Variants in PLPP3 observed in about 807,000 individuals in gnomAD.
The protein encoded by PLPP3 is phospholipid phosphatase 3.
PLPP3 carries 6 observed loss-of-function variants against 29.6 expected under a neutral mutation model. That is an observed-to-expected ratio of 0.20 (90% CI 0.11 to 0.40). The LOEUF (loss-of-function observed/expected upper bound fraction) is 0.40. PLPP3 is among the 10% of genes least tolerant of loss of function. The probability of loss-of-function intolerance (pLI) is 1.00; values close to 1 mark genes in which losing one functional copy is unlikely to be tolerated. For missense variants in PLPP3, 308 were observed against 407.7 expected (o/e 0.76, Z 2.11); for synonymous variants, 152 against 159.7 (o/e 0.95, Z 0.36).
Position 56,496,491 on chromosome 1 carries a change from G to A in PLPP3, c.*60C>T. ...TTCTACTGTCTGATGAGATTGGAGA[G>A]CAGCAAGAACTTGCTGTCAGCAGTC... On this transcript the variant is annotated 3_prime_UTR_variant, in exon 6 of 6. Transcript: ENST00000371250. 2 of 1,581,244 alleles carry A rather than the reference G, an allele frequency of 1.3e-6. No individual in the cohort carries two copies. The highest frequency in any genetic ancestry group is 8.7e-7 in the Non-Finnish European group (1 of 1,154,414).
intron 1 of PLPP3, among the ~76,000 whole-genome samples, chr1:56,564,345 T>C (rs1406073110): frequency 6.6e-6 from 1 of 152,216 alleles, no homozygotes; most frequent in Non-Finnish European, 1.5e-5. Context: ...TGAACAATGA[T>C]ATTTTGCATG....
intron 1 of PLPP3, 106 bp from the exon 2 acceptor site, chr1:56,537,218 C>T: frequency 8.1e-7 from 1 of 1,228,158 alleles, no homozygotes; most frequent in Non-Finnish European, 1.1e-6. Flanking sequence ...TCCCAAATAT[C>T]ACTGAGAGTG....
At chr1:56,525,010 CTTGT>C (rs1645844151) in intron 2 of PLPP3, among the ~76,000 whole-genome samples, 1 of 152,100 alleles carries the variant, frequency 6.6e-6, no homozygotes, top group Non-Finnish European at 1.5e-5. Flanking sequence ...GGGCCTCAGC[CTTGT>C]GCTGACATTG....
chr1:56,541,075 T>G (rs1337009766), intron 1 of PLPP3, among the ~76,000 whole-genome samples: 1 of 152,148 alleles, frequency 6.6e-6, no homozygotes, highest in African/African-American at 2.4e-5. Context: ...AACCCTGAAT[T>G]ATTTCTAGTG....
intron 2 of PLPP3, among the ~76,000 whole-genome samples, chr1:56,532,740 C>G (rs993176726): frequency 6.6e-6 from 1 of 152,148 alleles, no homozygotes; most frequent in African/African-American, 2.4e-5. Flanking sequence ...ATGGCCTCTT[C>G]TGTGATTTTT....
chr1:56,561,359 A>G (rs1646126873), intron 1 of PLPP3, among the ~76,000 whole-genome samples: 1 of 152,034 alleles, frequency 6.6e-6, no homozygotes, highest in African/African-American at 2.4e-5. Flanking sequence ...CATATTCTCA[A>G]TTCTCTCAGG....
intron 4 of PLPP3, among the ~76,000 whole-genome samples, chr1:56,522,539 G>A (rs919813893): frequency 1.3e-5 from 2 of 152,098 alleles, no homozygotes; most frequent in Admixed American, 6.6e-5. Context: ...ATGGAGGGAA[G>A]TGCTATTCAT....
chr1:56,549,107 T>C (rs1646023043), intron 1 of PLPP3, among the ~76,000 whole-genome samples: 1 of 152,238 alleles, frequency 6.6e-6, no homozygotes, highest in African/African-American at 2.4e-5. Context: ...AAGATGTTAA[T>C]GTTGTTAAAT....
chr1:56,502,961 G>A (rs1645678062), intron 5 of PLPP3, among the ~76,000 whole-genome samples: 1 of 152,122 alleles, frequency 6.6e-6, no homozygotes, highest in African/African-American at 2.4e-5. Context: ...CTACCATACT[G>A]AACAATCTCA....
At chr1:56,521,326 A>G (rs1354561745) in intron 4 of PLPP3, among the ~76,000 whole-genome samples, 1 of 152,142 alleles carries the variant, frequency 6.6e-6, no homozygotes. Context: ...GTAATATCAC[A>G]TAAACACATG....
chr1:56,572,073 A>ATC (rs1491373600), intron 1 of PLPP3, among the ~76,000 whole-genome samples: 2 of 118,920 alleles, frequency 1.7e-5, no homozygotes, highest in Non-Finnish European at 3.3e-5. Context: ...TTTTTGAGAC[A>ATC]GAGTCTCGCT....
At chr1:56,552,670 T>C (rs1052553981) in intron 1 of PLPP3, among the ~76,000 whole-genome samples, 3 of 152,158 alleles carry the variant, frequency 2.0e-5, no homozygotes, top group African/African-American at 7.2e-5. Flanking sequence ...TCCTCTCCCT[T>C]TCTCATCAGC....
At chr1:56,552,634 C>T (rs1646048968) in intron 1 of PLPP3, among the ~76,000 whole-genome samples, 1 of 152,114 alleles carries the variant, frequency 6.6e-6, no homozygotes, top group Non-Finnish European at 1.5e-5. Flanking sequence ...CTACAGGGAC[C>T]CTGTGAGGAC....
At position 56,578,975 on chromosome 1, in the gene PLPP3, G is replaced by T. The variant is rs1646258028; in HGVS notation, c.42C>A (p.Ser14Arg). ...TGAGCGCCGGGCTGCCGCCGTTCTT[G>T]CTCTCCGGGACGATCGCTTTGTCGT... ...YKYDKAIVPESKNGGSPALNN... is the reference protein window; with the variant it reads ...YKYDKAIVPERKNGGSPALNN... Residue 14 changes from serine to arginine, a missense_variant, in exon 1 of 6, where the codon AGC becomes AGA. This residue lies in a region of PLPP3 where 67 missense variants were observed against 61.3 expected (regional missense o/e 1.09). Transcript: ENST00000371250. 3 of 1,602,158 alleles carry T rather than the reference G, an allele frequency of 1.9e-6. No individual in the cohort carries two copies. The highest frequency in any genetic ancestry group is 1.7e-6 in the Non-Finnish European group (2 of 1,175,334).
intron 1 of PLPP3, among the ~76,000 whole-genome samples, chr1:56,563,255 C>A (rs1646142219): frequency 6.6e-6 from 1 of 152,116 alleles, no homozygotes; most frequent in Non-Finnish European, 1.5e-5. Flanking sequence ...GAGAAAAGAC[C>A]TACTTTATAC....
intron 1 of PLPP3, among the ~76,000 whole-genome samples, chr1:56,549,842 G>A (rs1035992949): frequency 1.3e-5 from 2 of 152,214 alleles, no homozygotes; most frequent in Admixed American, 1.3e-4. Context: ...TGAAGTAGTA[G>A]GCATCAGCAA....
intron 4 of PLPP3, among the ~76,000 whole-genome samples, chr1:56,519,454 T>C (rs547077283): frequency 6.6e-6 from 1 of 152,296 alleles, no homozygotes; most frequent in South Asian, 2.1e-4. Flanking sequence ...CATCTCCCCA[T>C]TCCCACTCCT....
chr1:56,523,984 T>C (rs1645835840), intron 3 of PLPP3, 104 bp from the exon 4 acceptor site: 1 of 1,325,132 alleles, frequency 7.5e-7, no homozygotes, highest in Admixed American at 2.1e-5. Context: ...GAGCAGGCAC[T>C]AGGCCCTGTT....
At chr1:56,525,461 C>T (rs984656979) in intron 2 of PLPP3, among the ~76,000 whole-genome samples, 1 of 152,166 alleles carries the variant, frequency 6.6e-6, no homozygotes, top group Non-Finnish European at 1.5e-5. Flanking sequence ...CCACCAATTA[C>T]TGATTACCTA....
Sources: gnomAD v4.1 joint callset for allele counts (sites outside exome capture counted in the v4.1 genomes callset) on GRCh38, gnomAD v4.1.1 for gene constraint, gnomAD v4.1.1 regional missense constraint, MANE v1.5 for transcripts, NCBI Gene and HGNC (gene_info 2026-07-23, HGNC 2026-07-21) for gene names.